Variants in RAB38 observed in about 807,000 individuals in gnomAD.
RAB38 encodes RAB38, member RAS oncogene family.
Under a neutral mutation model 18.4 loss-of-function variants are expected in RAB38, and 15 were observed. The ratio of observed to expected loss-of-function variants is 0.82; its 90% CI spans 0.55 to 1.26. The LOEUF (loss-of-function observed/expected upper bound fraction) is 1.26, where lower values mean the gene tolerates loss of function less well. Ranked by LOEUF, RAB38 falls within the 50% of genes most tolerant of loss-of-function variation. The probability of loss-of-function intolerance (pLI) is 0.00; values close to 1 mark genes in which losing one functional copy is unlikely to be tolerated. For missense variants in RAB38, 294 were observed against 267.4 expected, an observed-to-expected ratio of 1.10 and a Z score of -0.69; for synonymous variants, 101 against 104.4, an observed-to-expected ratio of 0.97 and a Z score of 0.20.
the RAB38 span, among the ~76,000 whole-genome samples, chr11:87,950,626 A>C: frequency 1.3e-5 from 2 of 152,028 alleles, no homozygotes; most frequent in African/African-American, 4.8e-5. Flanking sequence ...AAAGGATTTT[A>C]TTTCTCCTTC....
the RAB38 span, among the ~76,000 whole-genome samples, chr11:88,080,061 C>A: frequency 2.0e-5 from 3 of 151,032 alleles, no homozygotes; most frequent in South Asian, 2.1e-4. Context: ...AATAAAAAAA[C>A]AAAAATAAAG....
the RAB38 span, among the ~76,000 whole-genome samples, chr11:87,819,651 A>G: frequency 1.3e-5 from 2 of 149,634 alleles, no homozygotes; most frequent in Non-Finnish European, 3.0e-5. Context: ...ACAAGTTAGG[A>G]TCTCTTGGAT....
chr11:88,140,352 G>A (rs1942894044), intron 2 of RAB38, among the ~76,000 whole-genome samples: 1 of 152,134 alleles, frequency 6.6e-6, no homozygotes. Context: ...GTTATCTAAG[G>A]ACATAAATAC....
the RAB38 span, among the ~76,000 whole-genome samples, chr11:87,933,759 C>A: frequency 6.6e-6 from 1 of 151,520 alleles, no homozygotes; most frequent in Non-Finnish European, 1.5e-5. Context: ...AATGGCAAGA[C>A]GGGAAGTCCT....
chr11:88,100,956 G>A, the RAB38 span, among the ~76,000 whole-genome samples: 1 of 151,884 alleles, frequency 6.6e-6, no homozygotes, highest in Admixed American at 6.6e-5. Flanking sequence ...CTTTCTCAAG[G>A]ATACTGAATA....
chr11:87,977,904 A>C, the RAB38 span, among the ~76,000 whole-genome samples: 6 of 113,334 alleles, frequency 5.3e-5, no homozygotes, highest in African/African-American at 2.1e-4. Flanking sequence ...TTTACATATA[A>C]TTATATACAT....
the RAB38 span, among the ~76,000 whole-genome samples, chr11:88,078,003 T>C: frequency 2.6e-5 from 4 of 152,102 alleles, no homozygotes; most frequent in East Asian, 5.8e-4. Context: ...ATTTTTAAAA[T>C]TGGCAAAAGA....
At chr11:88,106,453 C>A in the RAB38 span, among the ~76,000 whole-genome samples, 1 of 152,000 alleles carries the variant, frequency 6.6e-6, no homozygotes, top group Admixed American at 6.6e-5. Flanking sequence ...ACAAAAAAAA[C>A]ACACTTTCAT....
the RAB38 span, among the ~76,000 whole-genome samples, chr11:87,848,397 G>T: frequency 6.6e-6 from 1 of 152,112 alleles, no homozygotes; most frequent in Non-Finnish European, 1.5e-5. Flanking sequence ...AAAGCATATT[G>T]TTCCTCCTCC....
the RAB38 span, among the ~76,000 whole-genome samples, chr11:87,968,267 A>T: frequency 6.6e-6 from 1 of 152,076 alleles, no homozygotes; most frequent in Non-Finnish European, 1.5e-5. Flanking sequence ...AGGGAGTAAA[A>T]TCTGGTGTCT....
the RAB38 span, among the ~76,000 whole-genome samples, chr11:87,932,857 A>G: frequency 1.3e-5 from 2 of 152,056 alleles, no homozygotes; most frequent in African/African-American, 4.8e-5. Context: ...GGCATTCCTA[A>G]TTCTAGAATC....
At chr11:88,033,464 C>T in the RAB38 span, among the ~76,000 whole-genome samples, 1 of 151,808 alleles carries the variant, frequency 6.6e-6, no homozygotes, top group Non-Finnish European at 1.5e-5. Context: ...GTATAAAACC[C>T]AAATTTTCAT....
chr11:87,904,611 C>T, the RAB38 span, among the ~76,000 whole-genome samples: 1 of 151,528 alleles, frequency 6.6e-6, no homozygotes, highest in Admixed American at 6.6e-5. Context: ...AATGAGATTC[C>T]TGGGTCAAAT....
chr11:87,926,229 G>C, the RAB38 span, among the ~76,000 whole-genome samples: 3 of 151,906 alleles, frequency 2.0e-5, no homozygotes, highest in Non-Finnish European at 4.4e-5. Context: ...TTTTGGCCTA[G>C]TTTCTCTTTC....
At chr11:88,121,756 G>T (rs1232350118) in intron 2 of RAB38, among the ~76,000 whole-genome samples, 1 of 152,134 alleles carries the variant, frequency 6.6e-6, no homozygotes, top group Non-Finnish European at 1.5e-5. Flanking sequence ...TAGAGACGGG[G>T]TTTCACCATG....
At chr11:87,894,753 A>G in the RAB38 span, among the ~76,000 whole-genome samples, 2 of 147,302 alleles carry the variant, frequency 1.4e-5, no homozygotes, top group East Asian at 3.9e-4. Flanking sequence ...ATATATGTAT[A>G]CATTATATAT....
At chr11:88,114,367 G>A (rs1942519451) in intron 2 of RAB38, among the ~76,000 whole-genome samples, 1 of 152,134 alleles carries the variant, frequency 6.6e-6, no homozygotes, top group African/African-American at 2.4e-5. Flanking sequence ...ATGGTGTCTG[G>A]TAAATGTACT....
chr11:88,147,879 C>A (rs1028109967), intron 2 of RAB38, among the ~76,000 whole-genome samples: 15 of 151,720 alleles, frequency 9.9e-5, no homozygotes, highest in African/African-American at 3.6e-4. Flanking sequence ...GGTGACAGAG[C>A]GAGACTCTGT....
the RAB38 span, among the ~76,000 whole-genome samples, chr11:88,088,992 T>C: frequency 6.6e-6 from 1 of 151,636 alleles, no homozygotes; most frequent in African/African-American, 2.4e-5. Context: ...ATAATCCTTC[T>C]TATAGAGAAA....
Sources: gnomAD v4.1 joint callset for allele counts (sites outside exome capture counted in the v4.1 genomes callset) on GRCh38, gnomAD v4.1.1 for gene constraint, MANE v1.5 for transcripts, NCBI Gene and HGNC (gene_info 2026-07-23, HGNC 2026-07-21) for gene names.